Variants in ECM2 observed in about 807,000 individuals in gnomAD.
ECM2 encodes extracellular matrix protein 2, female organ and adipocyte specific.
ECM2 carries 57 observed loss-of-function variants against 67.5 expected under a neutral mutation model. The ratio of observed to expected loss-of-function variants is 0.84; its 90% CI spans 0.68 to 1.05. The LOEUF is 1.05. Ranked by LOEUF, ECM2 falls within the 50% of genes least tolerant of loss-of-function variation. The probability of loss-of-function intolerance (pLI) is 0.00; values close to 1 mark genes in which losing one functional copy is unlikely to be tolerated. For missense variants in ECM2, 741 were observed against 822.8 expected (o/e 0.90, Z 1.22); for synonymous variants, 258 against 294.5 (o/e 0.88, Z 1.27).
At position 92,509,899 on chromosome 9, in the gene ECM2, C is replaced by A; in HGVS notation, c.1306G>T (p.Asp436Tyr). Residue 436 changes from aspartate (D) to tyrosine (Y), a missense_variant and splice_region_variant, in exon 6 of 10, where the codon GAC becomes TAC. By Grantham distance (160) the Asp-to-Tyr change is radical. Coordinates refer to ENST00000344604, the MANE Select transcript of ECM2 (RefSeq NM_001393.4). ...LQAIDEESLS[D>Y]LNQLVTLELE... The stretch of plus-strand genomic sequence containing the variant: ...TCATTGAAAAACAAATATTAAATAC[C>A]TGATAAACTTTCTTCATCGATAGCC... 11 of 1,601,982 alleles carry A rather than the reference C, an allele frequency of 6.9e-6. No individual in the cohort carries two copies. Among genetic ancestry groups the A allele is most frequent in the Non-Finnish European group, 9.3e-6 (11 of 1,177,458 alleles).
At chr9:92,500,287 A>G (rs1236655613) in intron 9 of ECM2, among the ~76,000 whole-genome samples, 1 of 152,058 alleles carries the variant, frequency 6.6e-6, no homozygotes, top group Non-Finnish European at 1.5e-5. Flanking sequence ...GGTTCAAACA[A>G]TTCTCCCACC....
intron 5 of ECM2, among the ~76,000 whole-genome samples, chr9:92,511,725 G>C (rs1378092258): frequency 1.3e-5 from 2 of 152,094 alleles, no homozygotes; most frequent in African/African-American, 2.4e-5. Flanking sequence ...CCAGATTTTA[G>C]CATGTTTTCA....
upstream of ECM2, among the ~76,000 whole-genome samples, chr9:92,537,268 A>C (rs988694527): frequency 2.0e-5 from 3 of 152,184 alleles, no homozygotes; most frequent in African/African-American, 4.8e-5. Context: ...CTGAATCAGG[A>C]TTTTGTAAAA....
intron 2 of ECM2, 48 bp from the exon 3 acceptor site, chr9:92,517,923 G>C (rs1421857942): frequency 1.2e-6 from 2 of 1,605,626 alleles, no homozygotes; most frequent in Non-Finnish European, 1.7e-6. Flanking sequence ...GTGATTATCA[G>C]TAACTGTGAA....
chr9:92,546,329 G>A, the ECM2 span, among the ~76,000 whole-genome samples: 1 of 152,198 alleles, frequency 6.6e-6, no homozygotes. Context: ...CAACCCACCA[G>A]AGGTCCCCTT....
In ECM2 at chr9:92,496,336, A is replaced by G. The variant is rs1342775054; in HGVS notation, c.2079T>C (p.Leu693=). 6.3e-7 allele frequency: 1 copy of G among 1,592,470 alleles called. No individual in the cohort carries two copies. Among genetic ancestry groups the G allele is most frequent in the South Asian group, 1.2e-5 (1 of 85,762 alleles). The change falls in exon 10 of 10, where the codon CTT becomes CTC. Residue 693 remains leucine (L), a synonymous_variant. Transcript: ENST00000344604. ...GGAATTACTTGATGTTTTGTGGTTTAAGAACGATACTTGAGTATGATCTTA... is the reference window on the plus strand; with the variant it reads ...GGAATTACTTGATGTTTTGTGGTTTGAGAACGATACTTGAGTATGATCTTA... ...SCIRSYSSIV[L]KPQNIK is the part of the protein sequence containing the mutation.
intron 1 of ECM2, among the ~76,000 whole-genome samples, chr9:92,527,155 C>T (rs1848465127): frequency 6.6e-6 from 1 of 152,070 alleles, no homozygotes; most frequent in Admixed American, 6.6e-5. Context: ...ACTACAGACC[C>T]GTGCCACCAT....
chr9:92,535,609 A>G (rs1849120515), intron 1 of ECM2, among the ~76,000 whole-genome samples: 1 of 152,134 alleles, frequency 6.6e-6, no homozygotes, highest in Non-Finnish European at 1.5e-5. Context: ...CATTCAACAG[A>G]TTTAAAATGA....
chr9:92,518,066 C>G (rs770748540), intron 2 of ECM2, among the ~76,000 whole-genome samples, 191 bp from the exon 3 acceptor site: 3 of 152,216 alleles, frequency 2.0e-5, no homozygotes, highest in Non-Finnish European at 4.4e-5. Flanking sequence ...GCTCTCCTCT[C>G]AGCCCTTTCA....
intron 8 of ECM2, 150 bp from the exon 9 acceptor site, chr9:92,501,203 T>A: frequency 1.3e-6 from 1 of 759,432 alleles, no homozygotes; most frequent in Non-Finnish European, 2.1e-6. Flanking sequence ...TTTCCAGGTA[T>A]AGCCAGCCCT....
upstream of ECM2, chr9:92,536,041 G>A (rs1181255505): frequency 2.0e-6 from 1 of 503,622 alleles, no homozygotes; most frequent in South Asian, 1.5e-5. Flanking sequence ...AGAAGGGAAT[G>A]TTGAAAAGTA....
At chr9:92,495,053 C>G (rs1258946184), downstream of ECM2, among the ~76,000 whole-genome samples, 1 of 152,190 alleles carries the variant, frequency 6.6e-6, no homozygotes, top group Non-Finnish European at 1.5e-5. Context: ...TCATCCACAC[C>G]ATACTTTCCA....
At chr9:92,545,847 G>T in the ECM2 span, among the ~76,000 whole-genome samples, 3 of 152,314 alleles carry the variant, frequency 2.0e-5, no homozygotes, top group South Asian at 6.2e-4. Context: ...TCTAGCTCAA[G>T]GTTTGGTAAA....
chr9:92,498,017 T>G (rs992919006), intron 9 of ECM2, among the ~76,000 whole-genome samples: 3 of 152,156 alleles, frequency 2.0e-5, no homozygotes, highest in Admixed American at 6.5e-5. Context: ...CAGATGCCAG[T>G]GCCGTGCTAC....
In ECM2 at chr9:92,511,670, G is replaced by A. The variant is rs1450074181; in HGVS notation, c.1170+341C>T. On this transcript the variant is annotated intron_variant, in intron 5 of 9. Coordinates refer to ENST00000344604, the MANE Select transcript of ECM2 (RefSeq NM_001393.4). ...CTGAAAAATGTTAACAGAGGTTCCA[G>A]ATAGGCTCAATTTGTTTCCAGAAAA... is the stretch of plus-strand genomic sequence containing the variant. Among the ~76,000 whole-genome samples the A allele has an allele frequency of 2.0e-5, 3 of 152,138 alleles. No individual in the cohort carries two copies. The East Asian group carries it at 5.8e-4, about 29-fold the overall frequency.
intron 2 of ECM2, among the ~76,000 whole-genome samples, chr9:92,520,044 G>A (rs1011775739): frequency 2.6e-5 from 4 of 151,256 alleles, no homozygotes; most frequent in African/African-American, 9.8e-5. Context: ...CACTTTGGGA[G>A]GCCAAGGAGG....
In ECM2 at chr9:92,511,588, C is replaced by T. The variant is rs2131193146; in HGVS notation, c.1170+423G>A. ...CCAGAACCCCCTTCTGCCAAAGTAT[C>T]CTCCATCAGGTTTTGTTGATTGCAC... On this transcript the variant is annotated intron_variant, in intron 5 of 9. Coordinates refer to ENST00000344604, the MANE Select transcript of ECM2 (RefSeq NM_001393.4). Among the ~76,000 whole-genome samples, 3 of 152,170 alleles carry T rather than the reference C, an allele frequency of 2.0e-5. No individual in the cohort carries two copies. The South Asian group carries it at 6.2e-4, about 32-fold the overall frequency.
intron 1 of ECM2, among the ~76,000 whole-genome samples, chr9:92,529,577 T>A (rs141606825): frequency 8.0e-4 from 121 of 151,852 alleles, no homozygotes; most frequent in Non-Finnish European, 1.3e-3. Context: ...AATAGGTGAA[T>A]GGAAAAAAAA....
intron 9 of ECM2, 92 bp from the exon 10 acceptor site, chr9:92,496,575 C>A (rs1288124252): frequency 1.3e-6 from 2 of 1,505,480 alleles, no homozygotes; most frequent in South Asian, 1.3e-5. Flanking sequence ...AAATTTTGTT[C>A]TTAAAATAAA....
Sources: gnomAD v4.1 joint callset for allele counts (sites outside exome capture counted in the v4.1 genomes callset) on GRCh38, gnomAD v4.1.1 for gene constraint, MANE v1.5 for transcripts, NCBI Gene and HGNC (gene_info 2026-07-23, HGNC 2026-07-21) for gene names.